IZUMO2: variants seen among roughly 807,000 people sequenced by gnomAD.
The protein encoded by IZUMO2 is IZUMO family member 2, also known as izumo sperm-egg fusion protein 2.
In IZUMO2, 24 loss-of-function variants were observed where a neutral mutation model predicts 31.2. The ratio of observed to expected loss-of-function variants is 0.77; its 90% CI spans 0.56 to 1.08. IZUMO2 has a LOEUF of 1.08. IZUMO2 is among the 50% of genes least tolerant of loss of function. The pLI, the probability that IZUMO2 is intolerant of heterozygous loss-of-function variation, is 0.00. For missense variants in IZUMO2, 278 were observed against 274.0 expected (o/e 1.01, Z -0.10); for synonymous variants, 144 against 117.3 (o/e 1.23, Z -1.47).
intron 5 of IZUMO2, among the ~76,000 whole-genome samples, chr19:50,156,205 C>G (rs949606931): frequency 3.3e-5 from 5 of 152,154 alleles, no homozygotes; most frequent in African/African-American, 1.2e-4. Context: ...AATTTTGTCA[C>G]TCAAGGGACA....
chr19:50,162,915 C>T (rs375055025), intron 1 of IZUMO2, 48 bp downstream of exon 1: 4 of 1,607,658 alleles, frequency 2.5e-6, no homozygotes, highest in Non-Finnish European at 2.6e-6. Context: ...GGCGTGGTCT[C>T]CGGCATCCCT....
chr19:50,153,163 C>T (rs2030084378), intron 6 of IZUMO2, among the ~76,000 whole-genome samples: 1 of 152,050 alleles, frequency 6.6e-6, no homozygotes, highest in Non-Finnish European at 1.5e-5. Context: ...GATGGACACA[C>T]AGAAAACAAA....
At chr19:50,154,747 GC>G in intron 5 of IZUMO2, 21 bp from the exon 6 acceptor site, 2 of 1,611,904 alleles carry the variant, frequency 1.2e-6, no homozygotes, top group African/African-American at 2.7e-5. Context: ...TGGGGAAACA[GC>G]CCCGACCTCC....
rs1250875429 is a variant in IZUMO2 at position 50,158,304 on chromosome 19, T to C, written c.460A>G (p.Ile154Val). ...TTTTTGTGGATACACTTGGGAGTGA[T>C]CCTCTGGCAATGTAAACAGTCCAAC... Reference protein sequence around the residue: ...EVLDCLHCQRITPKCIHKKYC... With the variant: ...EVLDCLHCQRVTPKCIHKKYC... Residue 154 changes from isoleucine to valine, a missense_variant, in exon 5 of 7, where the codon ATC becomes GTC. By Grantham distance (29) the Ile-to-Val change is conservative. Transcript: ENST00000293405. 2 of 1,612,328 alleles carry C rather than the reference T, an allele frequency of 1.2e-6. No homozygotes were observed. The highest frequency in any genetic ancestry group is 1.7e-6 in the Non-Finnish European group (2 of 1,179,156).
chr19:50,159,438 G>C, intron 3 of IZUMO2, 56 bp downstream of exon 3: 2 of 1,350,772 alleles, frequency 1.5e-6, no homozygotes, highest in Non-Finnish European at 2.1e-6. Context: ...TGGTAAAAGG[G>C]GATCAAGAGG....
chr19:50,154,131 T>C (rs1476573776), intron 6 of IZUMO2, among the ~76,000 whole-genome samples: 1 of 151,378 alleles, frequency 6.6e-6, no homozygotes, highest in African/African-American at 2.4e-5. Flanking sequence ...GTTTTCACTG[T>C]AGTATCTTTA....
chr19:50,157,821 G>A (rs1336952098), intron 5 of IZUMO2, among the ~76,000 whole-genome samples: 2 of 150,948 alleles, frequency 1.3e-5, no homozygotes, highest in Non-Finnish European at 2.9e-5. Flanking sequence ...TTGGGAGGCT[G>A]AGGCAGGAGA....
At chr19:50,161,910 TC>T (rs869167409) in intron 2 of IZUMO2, among the ~76,000 whole-genome samples, 2 of 151,902 alleles carry the variant, frequency 1.3e-5, no homozygotes, top group South Asian at 2.1e-4. Flanking sequence ...CATCCCCCGC[TC>T]CCCCCCAAAA....
chr19:50,163,006 A>G lies in IZUMO2; in HGVS notation c.189T>C (p.Pro63=), dbSNP rs374699058. The G allele has an allele frequency of 5.6e-5, 90 of 1,611,172 alleles. No homozygotes were observed. The African/African-American group carries it at 1.2e-3, about 21-fold the overall frequency. ...CGTTCAGCGCGTAGTCCCGGAAGAA[A>G]GGCCCCTCCATGCCCATCAGCACGG... ...AGAVLMGMEG[P]FFRDYALNVF... Residue 63 remains proline, a synonymous_variant, in exon 1 of 7, where the codon CCT becomes CCC. Transcript: ENST00000293405.
chr19:50,154,114 T>C (rs2030122500), intron 6 of IZUMO2, among the ~76,000 whole-genome samples: 1 of 150,804 alleles, frequency 6.6e-6, no homozygotes, highest in Non-Finnish European at 1.5e-5. Flanking sequence ...CTGGGGTCCA[T>C]GGAAATGTTT....
rs376775034 is a variant in IZUMO2, at chr19:50,163,118, G to T, written c.77C>A (p.Pro26His). The T allele has an allele frequency of 3.7e-6, 6 of 1,605,550 alleles. No individual in the cohort carries two copies. The highest frequency in any genetic ancestry group is 5.1e-6 in the Non-Finnish European group (6 of 1,176,558). ...PGGWGCLQCDPLVLEALGHLR... is the reference protein window; with the variant it reads ...PGGWGCLQCDHLVLEALGHLR... ...GTGACCCAGGGCCTCCAGCACCAAG[G>T]GGTCGCACTGCAGGCAGCCCCAGCC... Residue 26 changes from proline (P) to histidine (H), a missense_variant, in exon 1 of 7, where the codon CCC becomes CAC. Pro to His is a moderately conservative substitution (Grantham distance 77). Coordinates refer to ENST00000293405, the MANE Select transcript of IZUMO2 (RefSeq NM_152358.3).
intron 6 of IZUMO2, among the ~76,000 whole-genome samples, chr19:50,153,313 C>T (rs985876262): frequency 2.0e-5 from 3 of 152,182 alleles, no homozygotes; most frequent in African/African-American, 7.2e-5. Context: ...TGATTTCAGA[C>T]TTCTGCTTTC....
At position 50,163,170 on chromosome 19, in the gene IZUMO2, G is replaced by T. The variant is rs1183785359; in HGVS notation, c.25C>A (p.Leu9Met). The T allele has an allele frequency of 6.4e-7, 1 of 1,557,252 alleles. No individual in the cohort carries two copies. The highest frequency in any genetic ancestry group is 8.7e-7 in the Non-Finnish European group (1 of 1,151,590). Residue 9 changes from leucine (L) to methionine (M), a missense_variant, in exon 1 of 7, where the codon CTG (leucine) becomes ATG (methionine). Leu to Met is a conservative substitution (Grantham distance 15). Transcript: ENST00000293405. ...CCGGGGGCGCCCAAGCCCGAGAGCA[G>T]CAGAAGGGTCAAAGCCAGAGGCATG... MPLALTLLLLSGLGAPGGW... is the reference protein window; with the variant it reads MPLALTLLMLSGLGAPGGW...
Position 50,163,089 on chromosome 19 carries a change from G to C in IZUMO2, c.106C>G (p.Arg36Gly). 1.9e-6 allele frequency: 3 copies of C among 1,612,626 alleles called. No individual in the cohort carries two copies. The highest frequency in any genetic ancestry group is 2.5e-6 in the Non-Finnish European group (3 of 1,179,342). ...PLVLEALGHLRSALIPSRFQL... is the reference protein window; with the variant it reads ...PLVLEALGHLGSALIPSRFQL... The stretch of plus-strand genomic sequence containing the variant: ...AAGCGACTGGGGATGAGGGCGGAGC[G>C]CAGGTGACCCAGGGCCTCCAGCACC... The change falls in exon 1 of 7, where the codon CGC becomes GGC. Residue 36 changes from arginine to glycine, a missense_variant. Arg to Gly is a moderately radical substitution (Grantham distance 125). Transcript: ENST00000293405.
chr19:50,159,335 G>T, intron 3 of IZUMO2, 85 bp from the exon 4 acceptor site: 1 of 1,442,136 alleles, frequency 6.9e-7, no homozygotes, highest in African/African-American at 1.4e-5. Context: ...AGCAGGTAAG[G>T]GGTGAGGCTG....
chr19:50,157,701 C>G (rs1303047684), intron 5 of IZUMO2, among the ~76,000 whole-genome samples: 1 of 150,270 alleles, frequency 6.7e-6, no homozygotes, highest in African/African-American at 2.4e-5. Context: ...GAGTGGATCA[C>G]CTGAGGTCAA....
chr19:50,158,386 A>G (rs766792447), intron 4 of IZUMO2, 38 bp from the exon 5 acceptor site: 10 of 1,363,952 alleles, frequency 7.3e-6, no homozygotes, highest in Non-Finnish European at 9.4e-6. Context: ...ACAAGGGCAG[A>G]TATCAGAGGA....
chr19:50,152,654 G>T lies in IZUMO2; in HGVS notation c.624-3C>A. 6.2e-7 allele frequency: 1 copy of T among 1,612,202 alleles called. No individual in the cohort carries two copies. Among genetic ancestry groups the T allele is most frequent in the Non-Finnish European group, 8.5e-7 (1 of 1,178,322 alleles). On this transcript the variant is annotated splice_polypyrimidine_tract_variant and splice_region_variant and intron_variant, in intron 6 of 6. Coordinates refer to ENST00000293405, the MANE Select transcript of IZUMO2 (RefSeq NM_152358.3). ...GGTTTTGTCTGTATGTACAAGCCCT[G>T]GTCAGAGAGAAAAAGCCTGTAGATT... is the stretch of plus-strand genomic sequence containing the variant.
Position 50,162,973 on chromosome 19 carries a change from C to G in IZUMO2, c.222G>C (p.Val74=). 6.2e-7 allele frequency: 1 copy of G among 1,613,506 alleles called. No individual in the cohort carries two copies. Among genetic ancestry groups the G allele is most frequent in the Non-Finnish European group, 8.5e-7 (1 of 1,179,788 alleles). The change falls in exon 1 of 7, where the codon GTG becomes GTC. Residue 74 remains valine (V), a synonymous_variant. Coordinates refer to ENST00000293405, the MANE Select transcript of IZUMO2 (RefSeq NM_152358.3). ...TCTCCCAACACGCACCCACTTTCCC[C>G]ACAAACACGTTCAGCGCGTAGTCCC... is the stretch of plus-strand genomic sequence containing the variant. The part of the protein sequence containing the change: ...FFRDYALNVF[V]GKVETNQLDL...
Sources: gnomAD v4.1 joint callset for allele counts (sites outside exome capture counted in the v4.1 genomes callset) on GRCh38, gnomAD v4.1.1 for gene constraint, MANE v1.5 for transcripts, NCBI Gene and HGNC (gene_info 2026-07-23, HGNC 2026-07-21) for gene names.